Variants in UNC13C observed in about 807,000 individuals in gnomAD.
UNC13C encodes the protein protein unc-13 homolog C.
Under a neutral mutation model 245.4 loss-of-function variants are expected in UNC13C, and 174 were observed. That is an observed-to-expected ratio of 0.71 (90% CI 0.63 to 0.80). The LOEUF (loss-of-function observed/expected upper bound fraction) is 0.80. Ranked by LOEUF, UNC13C falls within the 30% of genes least tolerant of loss-of-function variation. The pLI is 0.00. For synonymous variants in UNC13C, 992 were observed against 895.1 expected, an observed-to-expected ratio of 1.11 and a Z score of -1.93; for missense variants, 2,829 against 2,602.9, an observed-to-expected ratio of 1.09 and a Z score of -1.89.
intron 2 of UNC13C, among the ~76,000 whole-genome samples, chr15:54,123,632 A>G (rs1321394409): frequency 6.6e-6 from 1 of 152,108 alleles, no homozygotes; most frequent in African/African-American, 2.4e-5. Flanking sequence ...TAGAGAGGTG[A>G]CAGTTATCCT....
chr15:54,275,818 G>T (rs965524479), intron 10 of UNC13C, among the ~76,000 whole-genome samples: 33 of 152,032 alleles, frequency 2.2e-4, no homozygotes, highest in African/African-American at 8.0e-4. Context: ...GATATTCATA[G>T]CTGCTTTTTT....
intron 4 of UNC13C, among the ~76,000 whole-genome samples, chr15:54,182,750 A>G (rs1762398973): frequency 6.6e-6 from 1 of 152,106 alleles, no homozygotes; most frequent in African/African-American, 2.4e-5. Flanking sequence ...ATATTAAAAC[A>G]TTGTTGAAAT....
intron 8 of UNC13C, among the ~76,000 whole-genome samples, chr15:54,259,894 A>G (rs2036380651): frequency 6.6e-6 from 1 of 151,994 alleles, no homozygotes; most frequent in African/African-American, 2.4e-5. Context: ...TTTATTCCAC[A>G]GGATATTTAT....
intron 2 of UNC13C, among the ~76,000 whole-genome samples, chr15:54,100,925 G>C (rs1312547831): frequency 1.3e-5 from 2 of 151,960 alleles, no homozygotes; most frequent in East Asian, 1.9e-4. Flanking sequence ...TACATTGACT[G>C]AGGTATAATA....
chr15:53,902,960 G>A, the UNC13C span, among the ~76,000 whole-genome samples: 1 of 152,168 alleles, frequency 6.6e-6, no homozygotes, highest in Non-Finnish European at 1.5e-5. Context: ...ACAGTGGTGG[G>A]GCTGGAATGC....
intron 2 of UNC13C, among the ~76,000 whole-genome samples, chr15:54,055,483 ATTG>A (rs1434485077): frequency 1.3e-5 from 2 of 152,186 alleles, no homozygotes; most frequent in Non-Finnish European, 2.9e-5. Context: ...AGCAAGTGCT[ATTG>A]TTGTACTGAC....
chr15:54,396,891 G>C (rs2040080880), intron 18 of UNC13C, among the ~76,000 whole-genome samples: 2 of 149,780 alleles, frequency 1.3e-5, no homozygotes, highest in African/African-American at 4.9e-5. Flanking sequence ...TTATTGTTAA[G>C]TTGTAAAGGT....
chr15:53,997,522 T>C (rs1005986217), intron 1 of UNC13C, among the ~76,000 whole-genome samples: 13 of 152,174 alleles, frequency 8.5e-5, no homozygotes, highest in African/African-American at 2.9e-4. Context: ...ACTCACAGCA[T>C]TACAATTTTA....
chr15:54,253,408 C>A (rs2036203029), intron 8 of UNC13C, among the ~76,000 whole-genome samples: 1 of 152,144 alleles, frequency 6.6e-6, no homozygotes, highest in African/African-American at 2.4e-5. Context: ...GATTTTACCA[C>A]CTTCTTGGCC....
chr15:54,223,959 A>G (rs992377760), intron 4 of UNC13C, among the ~76,000 whole-genome samples: 14 of 152,170 alleles, frequency 9.2e-5, no homozygotes, highest in African/African-American at 3.4e-4. Context: ...GCATATAAAA[A>G]TGCTACTGAT....
chr15:53,959,855 A>T, the UNC13C span, among the ~76,000 whole-genome samples: 1 of 152,224 alleles, frequency 6.6e-6, no homozygotes, highest in African/African-American at 2.4e-5. Context: ...TCATTACAGT[A>T]TCTGAGCTGG....
At chr15:54,588,978 C>A (rs576791343) in intron 30 of UNC13C, among the ~76,000 whole-genome samples, 1 of 152,098 alleles carries the variant, frequency 6.6e-6, no homozygotes, top group African/African-American at 2.4e-5. Context: ...ATAATGACTT[C>A]TTTGCCTTTG....
upstream of UNC13C, among the ~76,000 whole-genome samples, chr15:53,974,553 G>T (rs17731753): frequency 0.1 from 15,395 of 152,250 alleles, 1,265 homozygotes; most frequent in East Asian, 0.3. Flanking sequence ...TAATAAATCA[G>T]TGCCACAACA....
chr15:54,578,056 C>A (rs950479246), intron 30 of UNC13C, among the ~76,000 whole-genome samples: 1 of 152,144 alleles, frequency 6.6e-6, no homozygotes, highest in African/African-American at 2.4e-5. Context: ...ATCAAAATCC[C>A]GAATCCCACT....
At chr15:54,437,960 A>G (rs1209071195) in intron 19 of UNC13C, among the ~76,000 whole-genome samples, 1 of 151,902 alleles carries the variant, frequency 6.6e-6, no homozygotes, top group East Asian at 1.9e-4. Flanking sequence ...CTTACCTTGT[A>G]TTCTTTGACT....
intron 2 of UNC13C, among the ~76,000 whole-genome samples, chr15:54,140,397 T>TA (rs113391788): frequency 2.2e-4 from 33 of 151,810 alleles, no homozygotes; most frequent in Middle Eastern, 3.4e-3. Context: ...GTGGTAAAAG[T>TA]AAAAAAAACA....
intron 19 of UNC13C, among the ~76,000 whole-genome samples, chr15:54,450,306 A>G (rs546120365): frequency 2.0e-5 from 3 of 152,364 alleles, no homozygotes; most frequent in East Asian, 3.9e-4. Context: ...GCTGTCACAC[A>G]GGGACATTTA....
At chr15:54,497,311 T>C (rs550513947) in intron 20 of UNC13C, among the ~76,000 whole-genome samples, 2 of 152,272 alleles carry the variant, frequency 1.3e-5, no homozygotes, top group African/African-American at 4.8e-5. Context: ...TCCCATGTTT[T>C]CACCCCCATA....
At chr15:54,471,956 T>G (rs1377660461) in intron 19 of UNC13C, among the ~76,000 whole-genome samples, 1 of 151,750 alleles carries the variant, frequency 6.6e-6, no homozygotes, top group African/African-American at 2.4e-5. Context: ...CCACTTACAT[T>G]TAAAACAGTT....
Sources: allele counts gnomAD v4.1 joint callset (sites outside exome capture counted in the v4.1 genomes callset), GRCh38; gene constraint gnomAD v4.1.1; transcripts MANE v1.5; gene names NCBI Gene and HGNC (gene_info 2026-07-23, HGNC 2026-07-21).